CCDC32: variants seen among roughly 807,000 people sequenced by gnomAD.
CCDC32 encodes coiled-coil domain containing 32, also known as coiled-coil domain-containing protein 32.
Under a neutral mutation model 20.1 loss-of-function variants are expected in CCDC32, and 9 were observed. The ratio of observed to expected loss-of-function variants is 0.45; its 90% confidence interval spans 0.27 to 0.78. CCDC32 has a LOEUF of 0.78. Ranked by LOEUF, CCDC32 falls within the 30% of genes least tolerant of loss-of-function variation. The probability of loss-of-function intolerance (pLI) is 0.16; values close to 1 mark genes in which losing one functional copy is unlikely to be tolerated. For missense variants in CCDC32, 204 were observed against 215.5 expected, an observed-to-expected ratio of 0.95 and a Z score of 0.33; for synonymous variants, 63 against 79.0, an observed-to-expected ratio of 0.80 and a Z score of 1.07.
chr15:40,524,767 T>TTTTC (rs1894880057), downstream of CCDC32, among the ~76,000 whole-genome samples: 1 of 112,988 alleles, frequency 8.9e-6, no homozygotes, highest in Non-Finnish European at 1.9e-5. Flanking sequence ...TTTTTTTTTT[T>TTTTC]TGGAGACTGG....
At chr15:40,530,639 G>C (rs1427453014), downstream of CCDC32, among the ~76,000 whole-genome samples, 2 of 150,946 alleles carry the variant, frequency 1.3e-5, no homozygotes, top group Non-Finnish European at 1.5e-5. Context: ...AGCAGATGCT[G>C]GTGCCATGCT....
chr15:40,536,112 C>G (rs1470626593), downstream of CCDC32: 1 of 152,216 alleles, frequency 6.6e-6, no homozygotes, highest in African/African-American at 2.4e-5. Flanking sequence ...CCAAAGGGGT[C>G]CCAAGTCACC....
chr15:40,563,827 T>TTTC (rs1491282829), intron 1 of CCDC32, among the ~76,000 whole-genome samples: 5 of 20,102 alleles, frequency 2.5e-4, no homozygotes, highest in South Asian at 1.6e-3. Flanking sequence ...TCTTTCTTTC[T>TTTC]TTTTTTTTTT....
At chr15:40,548,736 TGAGA>T (rs746375467), downstream of CCDC32, among the ~76,000 whole-genome samples, 2 of 150,270 alleles carry the variant, frequency 1.3e-5, no homozygotes, top group African/African-American at 4.9e-5. Flanking sequence ...AGGAGCATGC[TGAGA>T]GAGAGAGAGA....
At chr15:40,529,299 T>C (rs965764441) in intron 3 of CCDC32, among the ~76,000 whole-genome samples, 1 of 152,178 alleles carries the variant, frequency 6.6e-6, no homozygotes, top group African/African-American at 2.4e-5. Flanking sequence ...CCTGGTGAAA[T>C]TGTGGCCCAG....
intron 3 of CCDC32, among the ~76,000 whole-genome samples, chr15:40,556,029 A>C (rs1164133085): frequency 2.0e-5 from 3 of 152,226 alleles, no homozygotes. Context: ...TAACCCTCAT[A>C]ACAACTTATG....
At chr15:40,558,558 A>G (rs920446486) in intron 2 of CCDC32, among the ~76,000 whole-genome samples, 1 of 152,068 alleles carries the variant, frequency 6.6e-6, no homozygotes, top group African/African-American at 2.4e-5. Flanking sequence ...TGGGCCGGAA[A>G]AGGTCTTCCT....
chr15:40,536,358 C>G (rs936890244), downstream of CCDC32: 1 of 152,324 alleles, frequency 6.6e-6, no homozygotes, highest in Non-Finnish European at 1.5e-5. Flanking sequence ...CACTCTGAAC[C>G]TACTTGCTCT....
chr15:40,524,219 G>A (rs558469494), downstream of CCDC32, among the ~76,000 whole-genome samples: 2 of 143,388 alleles, frequency 1.4e-5, no homozygotes, highest in African/African-American at 2.6e-5. Context: ...GTGCGATGGC[G>A]CGATCTCGGC....
intron 3 of CCDC32, among the ~76,000 whole-genome samples, chr15:40,547,317 G>T (rs1889662668): frequency 6.6e-6 from 1 of 152,120 alleles, no homozygotes; most frequent in South Asian, 2.1e-4. Flanking sequence ...TTGTGATCTG[G>T]TGCCAGGCTC....
chr15:40,521,900 T>G, the CCDC32 span, among the ~76,000 whole-genome samples: 11 of 152,238 alleles, frequency 7.2e-5, no homozygotes, highest in African/African-American at 2.7e-4. Flanking sequence ...TTTATGCCAT[T>G]CTGTGAATTG....
At chr15:40,525,782 A>G (rs1241133943), downstream of CCDC32, among the ~76,000 whole-genome samples, 2 of 152,224 alleles carry the variant, frequency 1.3e-5, no homozygotes, top group African/African-American at 4.8e-5. Flanking sequence ...GTGCTCAGGG[A>G]ATACTGGGTG....
intron 2 of CCDC32, among the ~76,000 whole-genome samples, chr15:40,561,764 G>A (rs1595895754): frequency 6.6e-6 from 1 of 151,980 alleles, no homozygotes; most frequent in Admixed American, 6.6e-5. Context: ...AGGAGGCCAA[G>A]GTAAGCCTTA....
At chr15:40,524,360 G>A (rs1208433229), downstream of CCDC32, among the ~76,000 whole-genome samples, 1 of 151,734 alleles carries the variant, frequency 6.6e-6, no homozygotes, top group African/African-American at 2.4e-5. Flanking sequence ...GTTTCACCGT[G>A]TTAGCCAGGA....
At chr15:40,548,811 C>G (rs985404284), downstream of CCDC32, among the ~76,000 whole-genome samples, 1 of 152,036 alleles carries the variant, frequency 6.6e-6, no homozygotes, top group East Asian at 1.9e-4. Context: ...TTATGCTGTA[C>G]TCTATTAGCA....
chr15:40,532,725 T>C (rs1168815256), downstream of CCDC32, among the ~76,000 whole-genome samples: 5 of 141,398 alleles, frequency 3.5e-5, no homozygotes, highest in African/African-American at 1.3e-4. Flanking sequence ...TTTTTTTTTT[T>C]TTTTTTTTTT....
chr15:40,558,624 A>G (rs78786814), intron 2 of CCDC32, among the ~76,000 whole-genome samples: 82 of 152,144 alleles, frequency 5.4e-4, no homozygotes, highest in African/African-American at 1.9e-3. Context: ...GCAAGCAGAA[A>G]CAGGCACTAA....
chr15:40,526,047 GCAA>G (rs1894896890), downstream of CCDC32, among the ~76,000 whole-genome samples: 1 of 151,918 alleles, frequency 6.6e-6, no homozygotes, highest in East Asian at 1.9e-4. Context: ...AAAGACCTCT[GCAA>G]CAACACCTGT....
the CCDC32 span, among the ~76,000 whole-genome samples, chr15:40,523,394 C>T: frequency 2.5e-4 from 38 of 151,466 alleles, no homozygotes; most frequent in African/African-American, 8.9e-4. Context: ...ATCCTAGCTA[C>T]TCAGGAGGCT....
Sources: allele counts gnomAD v4.1 joint callset (sites outside exome capture counted in the v4.1 genomes callset), GRCh38; gene constraint gnomAD v4.1.1; transcripts MANE v1.5; gene names NCBI Gene and HGNC (gene_info 2026-07-23, HGNC 2026-07-21).